CFAP299: variants seen among roughly 807,000 people sequenced by gnomAD.
The protein encoded by CFAP299 is cilia- and flagella-associated protein 299.
A neutral mutation model predicts 27.0 loss-of-function variants in CFAP299; 21 were observed. The observed-to-expected ratio is 0.78, with a 90% CI of 0.55 to 1.12. The LOEUF (loss-of-function observed/expected upper bound fraction) is 1.12. CFAP299 is among the 50% of genes most tolerant of loss of function. The pLI is 0.00. For synonymous variants in CFAP299, 104 were observed against 98.1 expected, an observed-to-expected ratio of 1.06 and a Z score of -0.36; for missense variants, 310 against 276.6, an observed-to-expected ratio of 1.12 and a Z score of -0.86.
intron 4 of CFAP299, chr4:80,872,088 A>G (rs1467957797): frequency 1.3e-5 from 2 of 152,198 alleles, no homozygotes; most frequent in East Asian, 3.9e-4. Context: ...CTGATCCAGT[A>G]AAATCGTGCT....
chr4:80,519,473 C>T lies in CFAP299; in HGVS notation c.243-63620C>T, dbSNP rs543932275. The stretch of plus-strand genomic sequence containing the variant: ...CCACCTGCCTCAGCCTCCCAAAGTG[C>T]TGGGATTAGAGGCATGAGCTACCAT... On this transcript the variant is annotated intron_variant, in intron 2 of 5. Transcript: ENST00000358105. Among the ~76,000 whole-genome samples the T allele has an allele frequency of 2.0e-5, 3 of 152,288 alleles. No individual in the cohort carries two copies. The East Asian group carries it at 5.8e-4, about 29-fold the overall frequency.
chr4:80,815,743 C>G (rs1729388255), intron 3 of CFAP299, among the ~76,000 whole-genome samples: 1 of 151,596 alleles, frequency 6.6e-6, no homozygotes, highest in South Asian at 2.1e-4. Flanking sequence ...AGGCAAGCAG[C>G]AGAATGATAT....
At chr4:80,945,177 C>T (rs1737409774) in intron 5 of CFAP299, among the ~76,000 whole-genome samples, 1 of 152,194 alleles carries the variant, frequency 6.6e-6, no homozygotes, top group South Asian at 2.1e-4. Flanking sequence ...CAAGTGGAAA[C>T]ACTTCTCCAT....
chr4:80,681,114 T>G (rs1284345446), intron 3 of CFAP299, among the ~76,000 whole-genome samples: 2 of 152,108 alleles, frequency 1.3e-5, no homozygotes, highest in Non-Finnish European at 2.9e-5. Context: ...ACTCTAAAAT[T>G]TTATAAGAAG....
At chr4:80,783,564 A>G (rs1162152421) in intron 3 of CFAP299, among the ~76,000 whole-genome samples, 3 of 152,204 alleles carry the variant, frequency 2.0e-5, no homozygotes, top group East Asian at 3.8e-4. Context: ...TAATGTTTCT[A>G]TCACTTGAAT....
At chr4:80,393,649 G>T (rs1242502298) in intron 2 of CFAP299, among the ~76,000 whole-genome samples, 1 of 152,062 alleles carries the variant, frequency 6.6e-6, no homozygotes, top group Non-Finnish European at 1.5e-5. Flanking sequence ...TTAGCCTAGG[G>T]GTAATAGGCT....
At chr4:80,716,851 G>C (rs1722516153) in intron 3 of CFAP299, among the ~76,000 whole-genome samples, 1 of 152,084 alleles carries the variant, frequency 6.6e-6, no homozygotes, top group East Asian at 1.9e-4. Flanking sequence ...CTGATGGTCT[G>C]TGGTGATTGT....
At chr4:80,832,467 C>T (rs572380308) in intron 3 of CFAP299, among the ~76,000 whole-genome samples, 1 of 152,084 alleles carries the variant, frequency 6.6e-6, no homozygotes, top group African/African-American at 2.4e-5. Flanking sequence ...ATAGACAATA[C>T]CATTAATTTA....
At chr4:80,653,937 C>T (rs537088244) in intron 3 of CFAP299, among the ~76,000 whole-genome samples, 29 of 152,010 alleles carry the variant, frequency 1.9e-4, no homozygotes, top group Non-Finnish European at 4.0e-4. Context: ...GTTCATACAT[C>T]TTTAATATGT....
intron 3 of CFAP299, among the ~76,000 whole-genome samples, chr4:80,648,299 A>T (rs539238174): frequency 2.1e-4 from 32 of 152,324 alleles, no homozygotes; most frequent in South Asian, 1.0e-3. Flanking sequence ...TATAAGAAAG[A>T]TTATAAGAAA....
At chr4:80,935,440 T>C (rs569789764) in intron 4 of CFAP299, among the ~76,000 whole-genome samples, 1 of 152,174 alleles carries the variant, frequency 6.6e-6, no homozygotes, top group South Asian at 2.1e-4. Context: ...TTGACAAATA[T>C]GATTTTTTTT....
intron 2 of CFAP299, among the ~76,000 whole-genome samples, chr4:80,546,823 G>T (rs1041702104): frequency 6.6e-6 from 1 of 152,158 alleles, no homozygotes. Flanking sequence ...TGTTTGTACA[G>T]CCTGCAGAAC....
Position 80,769,665 on chromosome 4 carries a change from A to C in CFAP299, c.334-100328A>C, listed in dbSNP as rs542833238. 4.6e-5 allele frequency among the ~76,000 whole-genome samples: 7 copies of C among 152,272 alleles called. No individual in the cohort carries two copies. In the East Asian group the frequency reaches 1.4e-3, roughly 29 times the overall value. ...TATCTTGGCCTCCCAAAGTGCTGGGATTATAGGCATGAGCCACCATGTCCA... is the reference window on the plus strand; with the variant it reads ...TATCTTGGCCTCCCAAAGTGCTGGGCTTATAGGCATGAGCCACCATGTCCA... On this transcript the variant is annotated intron_variant, in intron 3 of 5. Coordinates refer to ENST00000358105, the MANE Select transcript of CFAP299 (RefSeq NM_152770.3).
At chr4:80,388,017 G>A in intron 2 of CFAP299, 2 of 706,048 alleles carry the variant, frequency 2.8e-6, no homozygotes, top group Non-Finnish European at 5.1e-6. Flanking sequence ...ACCTCCAGGG[G>A]TGGGTAGGGC....
At chr4:80,862,160 A>C (rs1448634684) in intron 3 of CFAP299, among the ~76,000 whole-genome samples, 2 of 152,180 alleles carry the variant, frequency 1.3e-5, no homozygotes, top group Non-Finnish European at 2.9e-5. Flanking sequence ...ATTTGAGGTC[A>C]GGAGTTCGAG....
At chr4:80,920,714 C>CT (rs1347178044) in intron 4 of CFAP299, among the ~76,000 whole-genome samples, 2 of 152,106 alleles carry the variant, frequency 1.3e-5, no homozygotes, top group Non-Finnish European at 2.9e-5. Flanking sequence ...TGACCACTTC[C>CT]TGCAACTGGA....
chr4:80,495,773 A>T (rs1731404045), intron 2 of CFAP299, among the ~76,000 whole-genome samples: 1 of 152,246 alleles, frequency 6.6e-6, no homozygotes, highest in Non-Finnish European at 1.5e-5. Context: ...AGGAAGCATG[A>T]TACTAGCATC....
chr4:80,586,888 G>A (rs1736474266), intron 3 of CFAP299, among the ~76,000 whole-genome samples: 2 of 152,100 alleles, frequency 1.3e-5, no homozygotes, highest in African/African-American at 4.8e-5. Context: ...ACTAGTTTTG[G>A]CTTTGAAATA....
At chr4:80,332,019 A>G (rs1456049401), upstream of CFAP299, among the ~76,000 whole-genome samples, 9 of 152,222 alleles carry the variant, frequency 5.9e-5, no homozygotes, top group Admixed American at 5.9e-4. Context: ...CCAAACAACC[A>G]ACTAACCAAC....
Sources: gnomAD v4.1 joint callset for allele counts (sites outside exome capture counted in the v4.1 genomes callset) on GRCh38, gnomAD v4.1.1 for gene constraint, MANE v1.5 for transcripts, NCBI Gene and HGNC (gene_info 2026-07-23, HGNC 2026-07-21) for gene names.